ITPKB: variants seen among roughly 807,000 people sequenced by gnomAD.
ITPKB encodes the protein inositol-trisphosphate 3-kinase B.
A neutral mutation model predicts 69.4 loss-of-function variants in ITPKB; 13 were observed. The observed-to-expected ratio is 0.19, with a 90% CI of 0.12 to 0.30. The LOEUF is 0.30. ITPKB is among the 10% of genes least tolerant of loss of function. The probability of loss-of-function intolerance (pLI) is 1.00; values close to 1 mark genes in which losing one functional copy is unlikely to be tolerated. For synonymous variants in ITPKB, 584 were observed against 513.7 expected (o/e 1.14, Z -1.85); for missense variants, 1,240 against 1,250.5 (o/e 0.99, Z 0.13).
intron 2 of ITPKB, among the ~76,000 whole-genome samples, chr1:226,718,822 A>G (rs1032052176): frequency 6.6e-6 from 1 of 152,204 alleles, no homozygotes; most frequent in Non-Finnish European, 1.5e-5. Context: ...TAAAATATGA[A>G]ATGAATGTGC....
chr1:226,649,533 T>G (rs7533933), intron 2 of ITPKB, among the ~76,000 whole-genome samples: 5,690 of 151,170 alleles, frequency 0.038, 364 homozygotes, highest in African/African-American at 0.13. Context: ...GATGTGTGCA[T>G]GTGTGTGCAT....
chr1:226,651,519 G>C (rs1008125849), intron 2 of ITPKB, among the ~76,000 whole-genome samples: 1 of 152,130 alleles, frequency 6.6e-6, no homozygotes, highest in Admixed American at 6.5e-5. Context: ...CTTCAAGAAT[G>C]GTCAGTCCTG....
At chr1:226,679,221 C>T (rs1324069009) in intron 2 of ITPKB, among the ~76,000 whole-genome samples, 1 of 152,196 alleles carries the variant, frequency 6.6e-6, no homozygotes, top group Non-Finnish European at 1.5e-5. Flanking sequence ...TTAAAATGTA[C>T]CAAAATTCCA....
chr1:226,647,382 T>C lies in ITPKB; in HGVS notation c.2033-2A>G. On this transcript the variant is annotated splice_acceptor_variant, in intron 3 of 7. Transcript: ENST00000429204. LOFTEE classifies it high-confidence loss of function. ...CATTGGCAGCTGCCTTGAAACTCCC[T>C]GGAGAGCAAGTGTAGAAGGTTCCTG... 6.2e-7 allele frequency: 1 copy of C among 1,611,634 alleles called. No homozygotes were observed. Among genetic ancestry groups the C allele is most frequent in the Non-Finnish European group, 8.5e-7 (1 of 1,178,400 alleles).
chr1:226,723,290 G>C (rs1227751926), intron 2 of ITPKB, among the ~76,000 whole-genome samples: 1 of 152,116 alleles, frequency 6.6e-6, no homozygotes, highest in Non-Finnish European at 1.5e-5. Context: ...CACTTCAAGA[G>C]GAGGCCAGGG....
rs1210682122 is a variant in ITPKB, at chr1:226,708,009, G to T, written c.1932+27518C>A. 7.4e-6 allele frequency: 5 copies of T among 675,272 alleles called. No individual in the cohort carries two copies. The Admixed American group carries it at 1.3e-4, about 18-fold the overall frequency. 41.8% of individuals were successfully genotyped at this position (675,272 alleles called of 1,614,324 possible). A position where few individuals can be genotyped will look rare whatever the true frequency, so the allele number is the denominator to read the frequency against. On this transcript the variant is annotated intron_variant, in intron 2 of 7. Coordinates refer to ENST00000429204, the MANE Select transcript of ITPKB (RefSeq NM_002221.4). ...AAAATATGGAAACTACCCACCAAAGGTAGGAGTAAGATGATGTAAATGATG... is the reference window on the plus strand; with the variant it reads ...AAAATATGGAAACTACCCACCAAAGTTAGGAGTAAGATGATGTAAATGATG...
At chr1:226,679,069 T>C (rs757878005) in intron 2 of ITPKB, among the ~76,000 whole-genome samples, 5 of 152,224 alleles carry the variant, frequency 3.3e-5, no homozygotes, top group Non-Finnish European at 7.3e-5. Flanking sequence ...CTGGCGCTCA[T>C]ATCCCAAAGA....
At chr1:226,730,625 A>G (rs1012327141) in intron 2 of ITPKB, among the ~76,000 whole-genome samples, 1 of 152,202 alleles carries the variant, frequency 6.6e-6, no homozygotes, top group South Asian at 2.1e-4. Flanking sequence ...GTTAATTCTG[A>G]ACCACCTCCT....
At chr1:226,667,865 T>TGC (rs1669535865) in intron 2 of ITPKB, among the ~76,000 whole-genome samples, 1 of 142,578 alleles carries the variant, frequency 7.0e-6, no homozygotes. Context: ...CGCGCGCGCG[T>TGC]GCGAAGTGGA....
chr1:226,664,024 G>A (rs1669450153), intron 2 of ITPKB, among the ~76,000 whole-genome samples: 1 of 152,204 alleles, frequency 6.6e-6, no homozygotes, highest in African/African-American at 2.4e-5. Context: ...GACATCCGTA[G>A]AGGCTGGTCC....
chr1:226,659,887 C>T (rs759071656), intron 2 of ITPKB, among the ~76,000 whole-genome samples: 30 of 152,186 alleles, frequency 2.0e-4, no homozygotes, highest in Non-Finnish European at 3.4e-4. Context: ...CCAATACTCC[C>T]GGCATCTGGC....
intron 2 of ITPKB, among the ~76,000 whole-genome samples, chr1:226,720,462 A>G (rs1018141106): frequency 7.2e-5 from 11 of 152,252 alleles, no homozygotes; most frequent in African/African-American, 2.7e-4. Context: ...GGAGATTCAG[A>G]TGAGTTAAAA....
At position 226,637,457 on chromosome 1, in the gene ITPKB, A is replaced by G. The variant is rs896297471; in HGVS notation, c.2625+222T>C. Among the ~76,000 whole-genome samples the G allele has an allele frequency of 2.6e-5, 4 of 152,196 alleles. No individual in the cohort carries two copies. Among genetic ancestry groups the G allele is most frequent in the Non-Finnish European group, 5.9e-5 (4 of 68,032 alleles). On this transcript the variant is annotated intron_variant, in intron 7 of 7. Coordinates refer to ENST00000429204, the MANE Select transcript of ITPKB (RefSeq NM_002221.4). This position sits in a 1 kb window ranked among gnomAD's most constrained non-coding sequence, Gnocchi z 4.3. Reference sequence around the variant, plus strand: ...GAGCTGGAAGGACAAGGGAGGAGAAAGGGGGCAATAGCCAGGGGTCTCAGG... The same window carrying G: ...GAGCTGGAAGGACAAGGGAGGAGAAGGGGGGCAATAGCCAGGGGTCTCAGG...
At chr1:226,649,212 C>T (rs573703875) in intron 2 of ITPKB, among the ~76,000 whole-genome samples, 1 of 151,716 alleles carries the variant, frequency 6.6e-6, no homozygotes, top group East Asian at 1.9e-4. Context: ...ACAGCTCTCT[C>T]CTCTGCACCG....
At position 226,735,738 on chromosome 1, in the gene ITPKB, A is replaced by T; in HGVS notation, c.1721T>A (p.Met574Lys). The T allele has an allele frequency of 6.3e-7, 1 of 1,588,122 alleles. No individual in the cohort carries two copies. Among genetic ancestry groups the T allele is most frequent in the East Asian group, 2.3e-5 (1 of 44,352 alleles). ...CAAGGCCCCATCCTCCTGGGTGCCCATGTCTGTAATGATGACAGCAGGTAT... is the reference window on the plus strand; with the variant it reads ...CAAGGCCCCATCCTCCTGGGTGCCCTTGTCTGTAATGATGACAGCAGGTAT... ...SNIPAVIITD[M>K]GTQEDGALEE... The change falls in exon 2 of 8, where the codon ATG becomes AAG. Residue 574 changes from methionine (M) to lysine (K), a missense_variant. Met to Lys is a moderately conservative substitution (Grantham distance 95, BLOSUM62 -1). This residue lies in a region of ITPKB where 992 missense variants were observed against 853.8 expected (regional missense o/e 1.16). Coordinates refer to ENST00000429204, the MANE Select transcript of ITPKB (RefSeq NM_002221.4).
At chr1:226,669,713 T>G (rs1669574104) in intron 2 of ITPKB, among the ~76,000 whole-genome samples, 1 of 151,978 alleles carries the variant, frequency 6.6e-6, no homozygotes, top group East Asian at 1.9e-4. Flanking sequence ...GCTTGAAGGG[T>G]TAAGTTTTAT....
intron 2 of ITPKB, among the ~76,000 whole-genome samples, chr1:226,680,463 A>G (rs1042293657): frequency 6.6e-6 from 1 of 152,182 alleles, no homozygotes; most frequent in Non-Finnish European, 1.5e-5. Flanking sequence ...GGCAATGCTG[A>G]ATGTGTTAGG....
chr1:226,652,016 C>G (rs1376937345), intron 2 of ITPKB, among the ~76,000 whole-genome samples: 1 of 152,254 alleles, frequency 6.6e-6, no homozygotes, highest in Non-Finnish European at 1.5e-5. Flanking sequence ...TGTGAGAATG[C>G]CATGCACTTG....
intron 2 of ITPKB, among the ~76,000 whole-genome samples, chr1:226,718,473 T>C (rs1657149798): frequency 6.6e-6 from 1 of 151,864 alleles, no homozygotes; most frequent in African/African-American, 2.4e-5. Flanking sequence ...TGCATACCTG[T>C]TGTCCTATAA....
Sources: allele counts gnomAD v4.1 joint callset (sites outside exome capture counted in the v4.1 genomes callset), GRCh38; gene constraint gnomAD v4.1.1; regional missense constraint gnomAD v4.1.1; non-coding constraint Gnocchi (gnomAD v3.1); transcripts MANE v1.5; gene names NCBI Gene and HGNC (gene_info 2026-07-23, HGNC 2026-07-21).